The following SGCD variants were observed in gnomAD, a reference collection of about 807,000 sequenced individuals.
SGCD encodes delta-sarcoglycan.
SGCD carries 18 observed loss-of-function variants against 36.6 expected under a neutral mutation model. The ratio of observed to expected loss-of-function variants is 0.49; its 90% CI spans 0.34 to 0.73. The LOEUF is 0.73. SGCD is among the 30% of genes least tolerant of loss of function. The pLI, the probability that SGCD is intolerant of heterozygous loss-of-function variation, is 0.01. For missense variants in SGCD, 387 were observed against 346.7 expected (o/e 1.12, Z -0.92); for synonymous variants, 133 against 130.6 (o/e 1.02, Z -0.12).
At chr5:156,237,887 T>G (rs141679386) in intron 3 of SGCD, among the ~76,000 whole-genome samples, 2 of 151,762 alleles carry the variant, frequency 1.3e-5, no homozygotes, top group African/African-American at 4.8e-5. Context: ...GATAACTGAA[T>G]AGGGAAAATA....
intron 3 of SGCD, among the ~76,000 whole-genome samples, chr5:156,254,372 C>T (rs75302019): frequency 0.011 from 1,659 of 152,262 alleles, 30 homozygotes; most frequent in African/African-American, 0.038. Context: ...TATCCCTCCC[C>T]GCTCCCCTGG....
chr5:155,742,051 GTTAGGGGGC>G, the SGCD span, among the ~76,000 whole-genome samples: 1 of 152,124 alleles, frequency 6.6e-6, no homozygotes, highest in Non-Finnish European at 1.5e-5. Flanking sequence ...CATTCAGTTG[GTTAGGGGGC>G]TTAGAAGTTT....
intron 3 of SGCD, among the ~76,000 whole-genome samples, chr5:156,360,111 A>G (rs986883850): frequency 6.6e-6 from 1 of 152,204 alleles, no homozygotes; most frequent in Non-Finnish European, 1.5e-5. Flanking sequence ...CAAGCTAAAG[A>G]CAGTTTAAAG....
chr5:156,458,135 T>C (rs983964365), intron 3 of SGCD, among the ~76,000 whole-genome samples: 1 of 152,122 alleles, frequency 6.6e-6, no homozygotes, highest in Non-Finnish European at 1.5e-5. Context: ...TTCCCAGACC[T>C]GTGCTGAAGG....
chr5:156,718,207 A>G (rs946288924), intron 7 of SGCD, among the ~76,000 whole-genome samples: 9 of 152,006 alleles, frequency 5.9e-5, no homozygotes, highest in African/African-American at 2.2e-4. Context: ...TGAATTCCCA[A>G]CCTTTAGCAT....
At chr5:155,802,825 C>A in the SGCD span, among the ~76,000 whole-genome samples, 3 of 152,182 alleles carry the variant, frequency 2.0e-5, no homozygotes, top group African/African-American at 7.2e-5. Flanking sequence ...AAAGGGCCAA[C>A]ATGCTGGCCC....
intron 2 of SGCD, among the ~76,000 whole-genome samples, chr5:156,331,783 A>T (rs1335296850): frequency 6.6e-6 from 1 of 152,174 alleles, no homozygotes; most frequent in Non-Finnish European, 1.5e-5. Flanking sequence ...CATTCGACAA[A>T]ATCTTGTACT....
chr5:155,877,452 C>T (rs1755790997), intron 1 of SGCD, among the ~76,000 whole-genome samples: 1 of 152,078 alleles, frequency 6.6e-6, no homozygotes. Flanking sequence ...AGTAATAGGG[C>T]CTTTCTCCCT....
intron 1 of SGCD, among the ~76,000 whole-genome samples, chr5:155,959,017 A>T (rs11745200): frequency 0.03 from 4,548 of 152,062 alleles, 94 homozygotes; most frequent in Middle Eastern, 0.048. Flanking sequence ...CACACACATC[A>T]CCCTTTCCTC....
At chr5:156,419,551 CT>C (rs1408852573) in intron 3 of SGCD, among the ~76,000 whole-genome samples, 1 of 152,132 alleles carries the variant, frequency 6.6e-6, no homozygotes, top group Admixed American at 6.6e-5. Context: ...CCTAGCTGCT[CT>C]TCATGGATCA....
chr5:156,730,825 T>C (rs777822230), intron 7 of SGCD, among the ~76,000 whole-genome samples: 3 of 152,158 alleles, frequency 2.0e-5, no homozygotes, highest in Non-Finnish European at 2.9e-5. Context: ...TGCCGCACTG[T>C]CTTCCACAGT....
At chr5:155,931,174 C>T (rs1412969777) in intron 1 of SGCD, among the ~76,000 whole-genome samples, 1 of 151,912 alleles carries the variant, frequency 6.6e-6, no homozygotes, top group East Asian at 1.9e-4. Flanking sequence ...AAAAGAAAAG[C>T]TCTTCTCATT....
intron 3 of SGCD, among the ~76,000 whole-genome samples, chr5:156,299,624 T>C (rs1395388321): frequency 6.6e-6 from 1 of 152,124 alleles, no homozygotes; most frequent in East Asian, 1.9e-4. Context: ...ATCAGTGATT[T>C]ATAGTTTTCG....
At chr5:156,228,513 C>A (rs1458522117) in intron 3 of SGCD, among the ~76,000 whole-genome samples, 1 of 152,156 alleles carries the variant, frequency 6.6e-6, no homozygotes, top group African/African-American at 2.4e-5. Context: ...CACTTCTTTA[C>A]CTCAAGTTTA....
intron 3 of SGCD, among the ~76,000 whole-genome samples, chr5:156,385,687 C>A (rs115564669): frequency 0.014 from 2,088 of 152,320 alleles, 54 homozygotes; most frequent in African/African-American, 0.048. Flanking sequence ...AGGACTTCGA[C>A]TGATGATTCT....
chr5:156,161,544 A>G (rs1205386547), intron 3 of SGCD, among the ~76,000 whole-genome samples: 4 of 151,920 alleles, frequency 2.6e-5, no homozygotes, highest in Non-Finnish European at 5.9e-5. Flanking sequence ...AACTTGCCCA[A>G]GGGCACAAAG....
intron 3 of SGCD, among the ~76,000 whole-genome samples, chr5:156,401,281 C>T (rs913354871): frequency 2.0e-5 from 3 of 152,134 alleles, no homozygotes; most frequent in Non-Finnish European, 4.4e-5. Context: ...AGGCTGATGA[C>T]GAGACAGAGC....
intron 6 of SGCD, among the ~76,000 whole-genome samples, chr5:156,625,462 A>G (rs1260951798): frequency 6.6e-6 from 1 of 152,232 alleles, no homozygotes; most frequent in African/African-American, 2.4e-5. Flanking sequence ...CAACTTGACT[A>G]GGATAGGAAA....
chr5:156,320,097 ATGTGTGTGTGTGTGTGTG>A (rs10535885), intron 3 of SGCD, among the ~76,000 whole-genome samples: 2 of 146,086 alleles, frequency 1.4e-5, no homozygotes, highest in African/African-American at 2.5e-5. Flanking sequence ...AGCCTTTGAT[ATGTGTGTGTGTGTGTGTG>A]TGTGTGTGTG....
Sources: allele counts gnomAD v4.1 joint callset (sites outside exome capture counted in the v4.1 genomes callset), GRCh38; gene constraint gnomAD v4.1.1; transcripts MANE v1.5; gene names NCBI Gene and HGNC (gene_info 2026-07-23, HGNC 2026-07-21).